PARP4: variants seen among roughly 807,000 people sequenced by gnomAD.
The protein encoded by PARP4 is protein mono-ADP-ribosyltransferase PARP4.
In PARP4, 120 loss-of-function variants were observed where a neutral mutation model predicts 187.7. The observed-to-expected ratio is 0.64, with a 90% CI of 0.55 to 0.74. The LOEUF is 0.74. Ranked by LOEUF, PARP4 falls within the 30% of genes least tolerant of loss-of-function variation. The pLI, the probability that PARP4 is intolerant of heterozygous loss-of-function variation, is 0.00. For synonymous variants in PARP4, 654 were observed against 740.9 expected (o/e 0.88, Z 1.90); for missense variants, 1,836 against 2,070.5 (o/e 0.89, Z 2.20).
chr13:24,472,009 C>T (rs9318579), intron 15 of PARP4, among the ~76,000 whole-genome samples: 77,385 of 151,962 alleles, frequency 0.51, 20,020 homozygotes, highest in South Asian at 0.65. Context: ...TTACAAACTC[C>T]GGATCCTTTG....
intron 20 of PARP4, 103 bp downstream of exon 20, chr13:24,458,941 T>C (rs1872036752): frequency 1.3e-6 from 1 of 796,796 alleles, no homozygotes; most frequent in Non-Finnish European, 2.1e-6. Flanking sequence ...TGTTAGAAGT[T>C]TTGTCAGCAT....
At chr13:24,499,542 C>T (rs1398547939) in intron 4 of PARP4, among the ~76,000 whole-genome samples, 166 bp from the exon 5 acceptor site, 2 of 152,132 alleles carry the variant, frequency 1.3e-5, no homozygotes, top group Non-Finnish European at 2.9e-5. Context: ...TTAGCTCTTC[C>T]AGAAATTGTT....
intron 12 of PARP4, among the ~76,000 whole-genome samples, chr13:24,479,672 C>T (rs1282922813): frequency 6.6e-6 from 1 of 151,996 alleles, no homozygotes; most frequent in Non-Finnish European, 1.5e-5. Context: ...ACGCACCAAT[C>T]AGCGCCCTGT....
intron 9 of PARP4, among the ~76,000 whole-genome samples, chr13:24,491,608 A>G (rs1455323480): frequency 6.6e-6 from 1 of 152,206 alleles, no homozygotes; most frequent in African/African-American, 2.4e-5. Flanking sequence ...TAGGACACAA[A>G]TCTCTGATCT....
At chr13:24,423,507 G>C (rs1480838569) in intron 33 of PARP4, among the ~76,000 whole-genome samples, 1 of 148,822 alleles carries the variant, frequency 6.7e-6, no homozygotes, top group Non-Finnish European at 1.5e-5. Context: ...CGCCAGCCTG[G>C]GTGACAGAAC....
intron 17 of PARP4, among the ~76,000 whole-genome samples, chr13:24,464,511 G>C (rs777013489): frequency 1.2e-4 from 19 of 152,154 alleles, no homozygotes; most frequent in Non-Finnish European, 1.5e-5. Flanking sequence ...ACAACTGTCT[G>C]ATCTTCAACA....
At chr13:24,424,495 G>C (rs1025070734) in intron 33 of PARP4, among the ~76,000 whole-genome samples, 3 of 152,010 alleles carry the variant, frequency 2.0e-5, no homozygotes, top group African/African-American at 7.2e-5. Flanking sequence ...AAATCAAGGG[G>C]TTTTGTTTAA....
rs79836043 is a variant in PARP4, at chr13:24,426,544, T to A, written c.4901A>T (p.Gln1634Leu). The A allele has an allele frequency of 9.8e-5, 158 of 1,611,652 alleles. No individual in the cohort carries two copies. The East Asian group carries it at 3.1e-3, about 31-fold the overall frequency. ...LDLIATMLVLQFIRTRLEKEG... is the reference protein window; with the variant it reads ...LDLIATMLVLLFIRTRLEKEG... The stretch of plus-strand genomic sequence containing the variant: ...TTTTTCCAACCTGGTGCGAATAAAC[T>A]GTAGTACCAGCATTGTGGCAATTAG... Residue 1634 changes from glutamine (Q) to leucine (L), a missense_variant, in exon 33 of 34, where the codon CAG becomes CTG. This residue lies in a region of PARP4 where 45 missense variants were observed against 53.1 expected (regional missense o/e 0.85). Transcript: ENST00000381989.
At chr13:24,431,323 T>C in intron 32 of PARP4, 54 bp downstream of exon 32, 1 of 939,846 alleles carries the variant, frequency 1.1e-6, no homozygotes, top group Non-Finnish European at 1.7e-6. Flanking sequence ...ATTAGGAGCA[T>C]GCTTATTAAT....
Position 24,498,144 on chromosome 13 carries a change from G to A in PARP4, c.563C>T (p.Ser188Leu), listed in dbSNP as rs892769999. Residue 188 changes from serine to leucine, a missense_variant, in exon 6 of 34, where the codon TCA becomes TTA. Ser to Leu is a moderately radical substitution (Grantham distance 145). This residue lies in a region of PARP4 where 1,147 missense variants were observed against 1,214.2 expected (regional missense o/e 0.94). Transcript: ENST00000381989. ...DSRDCPFLIS[S>L]HFLLDDGMET... ...CATGCCATCATCCAGGAGGAAGTGT[G>A]AGGATATCAGGAAAGGACAGTCCCT... 7 of 1,613,438 alleles carry A rather than the reference G, an allele frequency of 4.3e-6. No homozygotes were observed. Among genetic ancestry groups the A allele is most frequent in the Non-Finnish European group, 5.9e-6 (7 of 1,179,404 alleles).
intron 33 of PARP4, among the ~76,000 whole-genome samples, chr13:24,425,705 C>T (rs2137429547): frequency 6.6e-6 from 1 of 152,138 alleles, no homozygotes; most frequent in East Asian, 1.9e-4. Context: ...AGCCCATATC[C>T]TCCTTTTTAG....
chr13:24,488,196 G>C (rs1461158369), intron 10 of PARP4, among the ~76,000 whole-genome samples: 2 of 152,096 alleles, frequency 1.3e-5, no homozygotes, highest in African/African-American at 2.4e-5. Flanking sequence ...GCTTGACGTG[G>C]CTCTTCCTGT....
Position 24,442,753 on chromosome 13 carries a change from T to A in PARP4, c.3448-68A>T, listed in dbSNP as rs188146950. 39 of 853,184 alleles carry A rather than the reference T, an allele frequency of 4.6e-5. No homozygotes were observed. The African/African-American group carries it at 5.0e-4, about 11-fold the overall frequency. 52.9% of individuals were successfully genotyped at this position (853,184 alleles called of 1,614,324 possible). On this transcript the variant is annotated intron_variant, in intron 28 of 33. Transcript: ENST00000381989. Reference sequence around the variant, plus strand: ...ATTTCGCTATGTCAGTAAATCATTTTAAGATTCGTATTTCAGACTAAATAT... The same window carrying A: ...ATTTCGCTATGTCAGTAAATCATTTAAAGATTCGTATTTCAGACTAAATAT...
At chr13:24,489,044 C>T (rs1217037947) in intron 10 of PARP4, among the ~76,000 whole-genome samples, 1 of 150,802 alleles carries the variant, frequency 6.6e-6, no homozygotes, top group Non-Finnish European at 1.5e-5. Context: ...TATCCACTTC[C>T]CTGTTGATGA....
intron 1 of PARP4, among the ~76,000 whole-genome samples, chr13:24,506,958 A>G (rs1309481878): frequency 6.6e-6 from 1 of 152,104 alleles, no homozygotes; most frequent in Non-Finnish European, 1.5e-5. Context: ...CCCCGCGGGG[A>G]GGCAGCTAAG....
chr13:24,490,008 G>C (rs367981352), intron 10 of PARP4, among the ~76,000 whole-genome samples: 5 of 152,174 alleles, frequency 3.3e-5, no homozygotes, highest in African/African-American at 1.2e-4. Context: ...CCAAGCTGAC[G>C]AAGAGGAACT....
At chr13:24,502,217 G>GT (rs141754834) in intron 2 of PARP4, among the ~76,000 whole-genome samples, 15,123 of 151,806 alleles carry the variant, frequency 0.1, 825 homozygotes, top group Non-Finnish European at 0.12. Flanking sequence ...AGAAAATCTT[G>GT]TTTTTTTTGT....
rs1872963056 is a variant in PARP4, at chr13:24,475,947, G to A, written c.1790-351C>T. On this transcript the variant is annotated intron_variant, in intron 14 of 33. Coordinates refer to ENST00000381989, the MANE Select transcript of PARP4 (RefSeq NM_006437.4). ...CTATAGGCATGCACCACAATGCCCA[G>A]CTAATTTTTTGGTATTTTTTGTAGA... Among the ~76,000 whole-genome samples, 3 of 151,992 alleles carry A rather than the reference G, an allele frequency of 2.0e-5. No homozygotes were observed. In the South Asian group the frequency reaches 6.2e-4, roughly 32 times the overall value.
intron 25 of PARP4, among the ~76,000 whole-genome samples, chr13:24,449,108 G>T (rs1871360216): frequency 2.0e-5 from 3 of 152,308 alleles, no homozygotes; most frequent in South Asian, 4.1e-4. Flanking sequence ...GGTTAAAATG[G>T]CCAGGCGCGG....
Sources: allele counts gnomAD v4.1 joint callset (sites outside exome capture counted in the v4.1 genomes callset), GRCh38; gene constraint gnomAD v4.1.1; regional missense constraint gnomAD v4.1.1; transcripts MANE v1.5; gene names NCBI Gene and HGNC (gene_info 2026-07-23, HGNC 2026-07-21).